Variants in BHMT observed in about 807,000 individuals in gnomAD.
BHMT encodes betaine--homocysteine S-methyltransferase 1.
In BHMT, 38 loss-of-function variants were observed where a neutral mutation model predicts 49.5. That is an observed-to-expected ratio of 0.77 (90% CI 0.59 to 1.01). The LOEUF (loss-of-function observed/expected upper bound fraction) is 1.01, where lower values mean the gene tolerates loss of function less well. BHMT is among the 50% of genes least tolerant of loss of function. BHMT has a pLI of 0.00. For synonymous variants in BHMT, 166 were observed against 176.3 expected (o/e 0.94, Z 0.46); for missense variants, 426 against 495.7 (o/e 0.86, Z 1.34).
At chr5:79,118,043 C>T (rs1047478648) in intron 2 of BHMT, among the ~76,000 whole-genome samples, 3 of 152,084 alleles carry the variant, frequency 2.0e-5, no homozygotes, top group Admixed American at 6.6e-5. Context: ...CATTCCAATC[C>T]GTAATTTTAA....
intron 2 of BHMT, among the ~76,000 whole-genome samples, chr5:79,118,850 G>C (rs182914031): frequency 6.6e-6 from 1 of 152,256 alleles, no homozygotes; most frequent in Admixed American, 6.5e-5. Flanking sequence ...CATGTCCTGG[G>C]TAGAAATGAT....
At chr5:79,116,412 A>G (rs1168966004) in intron 2 of BHMT, 1 of 152,388 alleles carries the variant, frequency 6.6e-6, no homozygotes, top group Non-Finnish European at 1.5e-5. Flanking sequence ...TAGAAAGTTA[A>G]TACAGTACAA....
chr5:79,120,718 A>T (rs1402042836), intron 4 of BHMT, among the ~76,000 whole-genome samples, 177 bp downstream of exon 4: 1 of 152,226 alleles, frequency 6.6e-6, no homozygotes, highest in Non-Finnish European at 1.5e-5. Context: ...AATTAATCTG[A>T]TATGGTGTTT....
chr5:79,119,439 C>A, intron 3 of BHMT, 62 bp downstream of exon 3: 2 of 1,347,888 alleles, frequency 1.5e-6, no homozygotes, highest in Admixed American at 1.9e-5. Context: ...ATCAACAAAG[C>A]TCCCATAGAG....
chr5:79,115,370 A>G (rs1756370303), intron 1 of BHMT, among the ~76,000 whole-genome samples: 1 of 128,502 alleles, frequency 7.8e-6, no homozygotes, highest in Admixed American at 8.4e-5. Flanking sequence ...CCCTCTCTTT[A>G]GTTTGTTGAT....
rs1239460006 is a variant in BHMT at position 79,131,503 on chromosome 5, C to T, written c.*387C>T. On this transcript the variant is annotated 3_prime_UTR_variant, in exon 8 of 8. Coordinates refer to ENST00000274353, the MANE Select transcript of BHMT (RefSeq NM_001713.3). The stretch of plus-strand genomic sequence containing the variant: ...CAACCAGCCAGGGACAGATAAAGCG[C>T]TATGGAAAGGGGCTTCCAAGTTCTT... 6.3e-6 allele frequency: 1 copy of T among 157,644 alleles called. No homozygotes were observed. The highest frequency in any genetic ancestry group is 1.4e-5 in the Non-Finnish European group (1 of 71,916). The allele number at this position is 157,644 out of a possible 1,614,324, so 9.8% of individuals were successfully genotyped here. A position where few individuals can be genotyped will look rare whatever the true frequency, so the allele number is the denominator to read the frequency against.
At chr5:79,116,590 C>A (rs1295609279) in intron 2 of BHMT, among the ~76,000 whole-genome samples, 2 of 152,160 alleles carry the variant, frequency 1.3e-5, no homozygotes, top group Non-Finnish European at 2.9e-5. Flanking sequence ...GGTTTTGCTG[C>A]AAACTTACCC....
At position 79,131,089 on chromosome 5, in the gene BHMT, T is replaced by A; in HGVS notation, c.1194T>A (p.Phe398Leu). The A allele has an allele frequency of 6.2e-7, 1 of 1,612,690 alleles. No homozygotes were observed. Among genetic ancestry groups the A allele is most frequent in the Middle Eastern group, 1.7e-4 (1 of 6,058 alleles). Reference sequence around the variant, plus strand: ...CTGAGCAGCAGCTGAAAGAGCTCTTTGAAAAACAAAAATTCAAATCACAGT... The same window carrying A: ...CTGAGCAGCAGCTGAAAGAGCTCTTAGAAAAACAAAAATTCAAATCACAGT... The part of the protein sequence containing the change: ...ATTEQQLKEL[F>L]EKQKFKSQ Residue 398 changes from phenylalanine to leucine, a missense_variant, in exon 8 of 8, where the codon TTT (phenylalanine) becomes TTA (leucine). Phe to Leu is a conservative substitution (Grantham distance 22). Transcript: ENST00000274353.
chr5:79,129,625 A>C (rs969422770), intron 7 of BHMT, among the ~76,000 whole-genome samples: 2 of 152,156 alleles, frequency 1.3e-5, no homozygotes, highest in East Asian at 3.9e-4. Context: ...TGTAATCGCC[A>C]TGTGAGGAAG....
At chr5:79,114,839 T>C (rs1756361635) in intron 1 of BHMT, among the ~76,000 whole-genome samples, 1 of 152,204 alleles carries the variant, frequency 6.6e-6, no homozygotes, top group Non-Finnish European at 1.5e-5. Flanking sequence ...TTAAAGTCTA[T>C]GATTCTTTGA....
At chr5:79,122,471 T>A (rs1756486890) in intron 5 of BHMT, among the ~76,000 whole-genome samples, 1 of 152,038 alleles carries the variant, frequency 6.6e-6, no homozygotes, top group Non-Finnish European at 1.5e-5. Flanking sequence ...CAAGGAGGCT[T>A]ACACCTAAAA....
At chr5:79,126,329 T>C in intron 6 of BHMT, 101 bp downstream of exon 6, 2 of 1,353,622 alleles carry the variant, frequency 1.5e-6, no homozygotes, top group Non-Finnish European at 2.0e-6. Flanking sequence ...AGTGAAGAGA[T>C]GGCTTGGTGT....
Position 79,118,967 on chromosome 5 carries a change from A to G in BHMT, c.167-292A>G, listed in dbSNP as rs564482660. Among the ~76,000 whole-genome samples, 35 of 152,354 alleles carry G rather than the reference A, an allele frequency of 2.3e-4. 1 individual carries two copies. The South Asian group carries it at 7.0e-3, about 31-fold the overall frequency. On this transcript the variant is annotated intron_variant, in intron 2 of 7. Coordinates refer to ENST00000274353, the MANE Select transcript of BHMT (RefSeq NM_001713.3). ...TAATGGATTGTTTATCCTTGTGTCC[A>G]TGGGTGCCATCCACAAATACAGTCA...
At chr5:79,122,441 T>G (rs1218297996) in intron 5 of BHMT, among the ~76,000 whole-genome samples, 3 of 152,194 alleles carry the variant, frequency 2.0e-5, no homozygotes, top group African/African-American at 2.4e-5. Context: ...CCTTTATTTC[T>G]ACTTCTCTAT....
At chr5:79,128,813 G>T (rs192352098) in intron 7 of BHMT, among the ~76,000 whole-genome samples, 13 of 152,240 alleles carry the variant, frequency 8.5e-5, no homozygotes, top group Admixed American at 2.6e-4. Flanking sequence ...AAAAAAAAAT[G>T]TATGTCAGGC....
intron 2 of BHMT, among the ~76,000 whole-genome samples, chr5:79,117,849 G>C (rs1030192742): frequency 1.3e-5 from 2 of 152,040 alleles, no homozygotes; most frequent in Non-Finnish European, 2.9e-5. Flanking sequence ...TTCTCCTAAC[G>C]AAAACAACCA....
At position 79,130,989 on chromosome 5, in the gene BHMT, C is replaced by T. The variant is rs765586619; in HGVS notation, c.1094C>T (p.Pro365Leu). 1 of 1,613,952 alleles carries T rather than the reference C, an allele frequency of 6.2e-7. No individual in the cohort carries two copies. Among genetic ancestry groups the T allele is most frequent in the East Asian group, 2.2e-5 (1 of 44,854 alleles). Residue 365 changes from proline (P) to leucine (L), a missense_variant, in exon 8 of 8, where the codon CCT (proline) becomes CTT (leucine). Physicochemically the swap from Pro to Leu is moderately conservative, Grantham distance 98. Transcript: ENST00000274353. ...LRIASGRPYN[P>L]SMSKPDGWGV... Reference sequence around the variant, plus strand: ...ATAGCCTCAGGCCGGCCATACAACCCTTCAATGTCAAAGCCAGATGGCTGG... The same window carrying T: ...ATAGCCTCAGGCCGGCCATACAACCTTTCAATGTCAAAGCCAGATGGCTGG...
At chr5:79,130,895 G>T in intron 7 of BHMT, 38 bp from the exon 8 acceptor site, 1 of 1,500,110 alleles carries the variant, frequency 6.7e-7, no homozygotes, top group South Asian at 1.4e-5. Flanking sequence ...GCTAGGGGAG[G>T]AGTCTGTTGT....
chr5:79,115,534 A>G (rs1178672300), intron 1 of BHMT, among the ~76,000 whole-genome samples: 1 of 152,096 alleles, frequency 6.6e-6, no homozygotes, highest in Non-Finnish European at 1.5e-5. Context: ...ACGTGTTAAG[A>G]AAGACCCCCC....
Sources: allele counts gnomAD v4.1 joint callset (sites outside exome capture counted in the v4.1 genomes callset), GRCh38; gene constraint gnomAD v4.1.1; transcripts MANE v1.5; gene names NCBI Gene and HGNC (gene_info 2026-07-23, HGNC 2026-07-21).